Variants in OGFOD3 observed in about 807,000 individuals in gnomAD.
OGFOD3 encodes the protein 2-oxoglutarate and iron-dependent oxygenase domain-containing protein 3.
A neutral mutation model predicts 39.8 loss-of-function variants in OGFOD3; 35 were observed. The observed-to-expected ratio is 0.88, with a 90% CI of 0.67 to 1.17. The LOEUF is 1.17. Among genes scored for constraint, OGFOD3 ranks in the 50% most tolerant of loss-of-function variants. The pLI is 0.00. For synonymous variants in OGFOD3, 200 were observed against 192.0 expected (o/e 1.04, Z -0.34); for missense variants, 438 against 454.5 (o/e 0.96, Z 0.33).
At chr17:82,400,251 C>T (rs2052741111) in intron 7 of OGFOD3, among the ~76,000 whole-genome samples, 1 of 151,950 alleles carries the variant, frequency 6.6e-6, no homozygotes, top group Non-Finnish European at 1.5e-5. Flanking sequence ...GGGCTCAGCT[C>T]CCATGGGCTT....
chr17:82,389,668 A>G lies in OGFOD3; in HGVS notation c.*2730T>C, dbSNP rs1430707181. 6.6e-6 allele frequency: 1 copy of G among 152,084 alleles called. No individual in the cohort carries two copies. The highest frequency in any genetic ancestry group is 2.4e-5 in the African/African-American group (1 of 41,418). 9.4% of individuals were successfully genotyped at this position (152,084 alleles called of 1,614,324 possible). A position where few individuals can be genotyped will look rare whatever the true frequency, so the allele number is the denominator to read the frequency against. On this transcript the variant is annotated 3_prime_UTR_variant, in exon 9 of 9. Coordinates refer to ENST00000313056, the MANE Select transcript of OGFOD3 (RefSeq NM_024648.3). This position sits in a 1 kb window ranked among gnomAD's most constrained non-coding sequence, Gnocchi z 4.6. ...GGAGCACACTGCCACGCCCAGCTAC[A>G]TTTTTTAAAAGTTTCTTGTACAGAC...
intron 7 of OGFOD3, among the ~76,000 whole-genome samples, chr17:82,402,590 T>C (rs888178779): frequency 6.6e-6 from 1 of 150,896 alleles, no homozygotes; most frequent in Non-Finnish European, 1.5e-5. Context: ...CTACTAAAAA[T>C]ACAAAAATTA....
intron 7 of OGFOD3, among the ~76,000 whole-genome samples, chr17:82,401,806 A>AAAAAAAAAAAAAAACAAAAC (rs1405873979): frequency 2.2e-5 from 2 of 90,066 alleles, no homozygotes; most frequent in African/African-American, 5.9e-5. Context: ...TCCATCTCAA[A>AAAAAAAAAAAAAAACAAAAC]AAAAAAAAAA....
At position 82,418,580 on chromosome 17, in the gene OGFOD3, C is replaced by T. The variant is rs1384309334; in HGVS notation, c.-95G>A. The T allele has an allele frequency of 1.4e-5, 8 of 586,968 alleles. No homozygotes were observed. The highest frequency in any genetic ancestry group is 2.0e-5 in the Non-Finnish European group (8 of 409,164). The allele number at this position is 586,968 out of a possible 1,614,324, so 36.4% of individuals were successfully genotyped here. On this transcript the variant is annotated 5_prime_UTR_variant, in exon 1 of 9. Coordinates refer to ENST00000313056, the MANE Select transcript of OGFOD3 (RefSeq NM_024648.3). The stretch of plus-strand genomic sequence containing the variant: ...GCGCGAGGCAGGCACGGCGCAGGGA[C>T]GCGAGTGCGACGCGCTCGGCCATCG...
In OGFOD3 at chr17:82,410,913, T is replaced by A. The variant is rs150619204; in HGVS notation, c.380+542A>T. ...TTTCATATTTTAGTAGAGACAGGGG[T>A]TTCACCATGTTGCCCAGGCTGGTGT... On this transcript the variant is annotated intron_variant, in intron 3 of 8. Transcript: ENST00000313056. Among the ~76,000 whole-genome samples, 342 of 151,178 alleles carry A rather than the reference T, an allele frequency of 2.3e-3. 1 individual carries two copies. The highest frequency in any genetic ancestry group is 8.1e-3 in the African/African-American group (333 of 41,168).
chr17:82,403,717 C>G (rs942035114), intron 7 of OGFOD3, among the ~76,000 whole-genome samples: 2 of 152,008 alleles, frequency 1.3e-5, no homozygotes, highest in African/African-American at 4.8e-5. Context: ...CACGGGAGAA[C>G]AGGCCTCACC....
chr17:82,408,625 G>T lies in OGFOD3; in HGVS notation c.423+743C>A, dbSNP rs1163139669. ...TGCTCCCTCCCAGGGCTCCAGGGGA[G>T]GTCCTGCCCGCCTCTTCCATGGCCG... On this transcript the variant is annotated intron_variant, in intron 4 of 8. Transcript: ENST00000313056. 5.9e-5 allele frequency among the ~76,000 whole-genome samples: 9 copies of T among 152,140 alleles called. No individual in the cohort carries two copies. The South Asian group carries it at 1.9e-3, about 32-fold the overall frequency.
chr17:82,398,109 GC>G (rs2052705539), intron 8 of OGFOD3, 86 bp downstream of exon 8: 1 of 1,527,854 alleles, frequency 6.5e-7, no homozygotes, highest in South Asian at 1.1e-5. Context: ...CGTGAACTCA[GC>G]CTCGCTCCCA....
rs2052906190 is a variant in OGFOD3, at chr17:82,409,272, C to G, written c.423+96G>C. On this transcript the variant is annotated intron_variant, in intron 4 of 8. Coordinates refer to ENST00000313056, the MANE Select transcript of OGFOD3 (RefSeq NM_024648.3). ...GGCCCCACCCACATTTGGGGGCACG[C>G]AGGGAACCCTGCATGTCTGTGCCTT... The G allele has an allele frequency of 1.8e-5, 24 of 1,306,374 alleles. No individual in the cohort carries two copies. The South Asian group carries it at 2.9e-4, about 16-fold the overall frequency. 80.9% of individuals were successfully genotyped at this position (1,306,374 alleles called of 1,614,324 possible).
chr17:82,398,050 G>A (rs946314874), intron 8 of OGFOD3, 146 bp downstream of exon 8: 50 of 1,023,922 alleles, frequency 4.9e-5, no homozygotes, highest in South Asian at 3.5e-4. Context: ...TGGGACTGGC[G>A]CTAGACCTGG....
chr17:82,404,741 C>CT lies in OGFOD3; in HGVS notation c.545+582dup, dbSNP rs869251737. On this transcript the variant is annotated intron_variant, in intron 6 of 8. Transcript: ENST00000313056. This position sits in a 1 kb window ranked among gnomAD's most constrained non-coding sequence, Gnocchi z 4.5. ...CCAGCAGAATTTTTTCTTTTCTTTT[C>CT]TTTTTTTTTTTTTTTTTTGAGATGA... Among the ~76,000 whole-genome samples the CT allele has an allele frequency of 0.019, 2,507 of 133,154 alleles. 52 individuals carry two copies. Among genetic ancestry groups the CT allele is most frequent in the African/African-American group, 0.038 (1,360 of 35,432 alleles). 87.4% of individuals were successfully genotyped at this position (133,154 alleles called of 152,430 possible).
chr17:82,409,068 C>G (rs2052901884), intron 4 of OGFOD3, among the ~76,000 whole-genome samples: 1 of 152,240 alleles, frequency 6.6e-6, no homozygotes, highest in Non-Finnish European at 1.5e-5. Context: ...CGCTCCCTTG[C>G]CGGCTCCCTG....
In OGFOD3 at chr17:82,409,271, G is replaced by T. The variant is rs553294740; in HGVS notation, c.423+97C>A. The T allele has an allele frequency of 4.7e-6, 6 of 1,287,102 alleles. No homozygotes were observed. The African/African-American group carries it at 5.8e-5, about 12-fold the overall frequency. 79.7% of individuals were successfully genotyped at this position (1,287,102 alleles called of 1,614,324 possible). A position where few individuals can be genotyped will look rare whatever the true frequency, so the allele number is the denominator to read the frequency against. On this transcript the variant is annotated intron_variant, in intron 4 of 8. Transcript: ENST00000313056. ...AGGCCCCACCCACATTTGGGGGCAC[G>T]CAGGGAACCCTGCATGTCTGTGCCT...
chr17:82,395,270 G>A lies in OGFOD3; in HGVS notation c.824-2736C>T, dbSNP rs143667883. On this transcript the variant is annotated intron_variant, in intron 8 of 8. Transcript: ENST00000313056. ...TGGTCTTGAACTCCCGAGCTCAAAC[G>A]ATCTGCCTGCCTCGGCCTTGCAAGT... Among the ~76,000 whole-genome samples the A allele has an allele frequency of 6.6e-3, 1,002 of 152,212 alleles. 10 individuals are homozygous for A. Among genetic ancestry groups the A allele is most frequent in the African/African-American group, 0.012 (510 of 41,548 alleles).
chr17:82,394,684 C>T, intron 8 of OGFOD3: 1 of 593,960 alleles, frequency 1.7e-6, no homozygotes, highest in Non-Finnish European at 2.9e-6. Context: ...AACATCCTGC[C>T]TGATAGGAGA....
In OGFOD3 at chr17:82,418,447, C is replaced by T. The variant is rs1567878617; in HGVS notation, c.39G>A (p.Glu13=). Residue 13 remains glutamate (E), a synonymous_variant, in exon 1 of 9, where the codon GAG becomes GAA. Transcript: ENST00000313056. The stretch of plus-strand genomic sequence containing the variant: ...TCCGGCGCTCGGCCGCTCCGTTGCC[C>T]TCGGGCGCCTTGGTTGCGGCCCTCC... ...PQRRAATKAP[E]GNGAAERRNR... The T allele has an allele frequency of 2.7e-6, 4 of 1,477,194 alleles. No homozygotes were observed. Among genetic ancestry groups the T allele is most frequent in the Non-Finnish European group, 3.6e-6 (4 of 1,120,026 alleles). The allele number at this position is 1,477,194 out of a possible 1,614,324, so 91.5% of individuals were successfully genotyped here.
In OGFOD3 at chr17:82,403,847, GCTCACCCTGCCCACGTGCGCA is replaced by G. The variant is rs1327665976; in HGVS notation, c.699+69_699+89del. The G allele has an allele frequency of 6.9e-4, 999 of 1,438,122 alleles. 1 individual carries two copies. Among genetic ancestry groups the G allele is most frequent in the Admixed American group, 2.3e-3 (114 of 48,932 alleles). The allele number at this position is 1,438,122 out of a possible 1,614,324, so 89.1% of individuals were successfully genotyped here. On this transcript the variant is annotated intron_variant, in intron 7 of 8. Coordinates refer to ENST00000313056, the MANE Select transcript of OGFOD3 (RefSeq NM_024648.3). ...GCACGCTCACCTTGTCCACGAGCGC[GCTCACCCTGCCCACGTGCGCA>G]CTCACCGTGCCCACGGGCACGCTCA...
At position 82,406,362 on chromosome 17, in the gene OGFOD3, C is replaced by T. The variant is rs1341459977; in HGVS notation, c.488+56G>A. 2.3e-5 allele frequency: 35 copies of T among 1,504,600 alleles called. No homozygotes were observed. The highest frequency in any genetic ancestry group is 2.9e-5 in the Non-Finnish European group (31 of 1,082,066). 93.2% of individuals were successfully genotyped at this position (1,504,600 alleles called of 1,614,324 possible). On this transcript the variant is annotated intron_variant, in intron 5 of 8. Transcript: ENST00000313056. The surrounding 1 kb of genome is among the most constrained non-coding windows in gnomAD (Gnocchi z 5.2). Reference sequence around the variant, plus strand: ...TCCACATGTCCATGGCTAAGAGGCACGGAGCCGCTCACTCGGCTTTCAGAG... The same window carrying T: ...TCCACATGTCCATGGCTAAGAGGCATGGAGCCGCTCACTCGGCTTTCAGAG...
At chr17:82,399,634 C>T (rs780243175) in intron 7 of OGFOD3, among the ~76,000 whole-genome samples, 4 of 152,224 alleles carry the variant, frequency 2.6e-5, no homozygotes, top group Non-Finnish European at 5.9e-5. Context: ...CCACGCCCCC[C>T]AGTCCTGCCC....
Sources: allele counts gnomAD v4.1 joint callset (sites outside exome capture counted in the v4.1 genomes callset), GRCh38; gene constraint gnomAD v4.1.1; non-coding constraint Gnocchi (gnomAD v3.1); transcripts MANE v1.5; gene names NCBI Gene and HGNC (gene_info 2026-07-23, HGNC 2026-07-21).